CRB1: variants seen among roughly 807,000 people sequenced by gnomAD.
CRB1 encodes the protein crumbs cell polarity complex component 1.
A neutral mutation model predicts 120.0 loss-of-function variants in CRB1; 83 were observed. The ratio of observed to expected loss-of-function variants is 0.69; its 90% CI spans 0.58 to 0.83. The LOEUF (loss-of-function observed/expected upper bound fraction) is 0.83. CRB1 is among the 40% of genes least tolerant of loss of function. The pLI is 0.00. For missense variants in CRB1, 1,699 were observed against 1,687.6 expected, an observed-to-expected ratio of 1.01 and a Z score of -0.12; for synonymous variants, 625 against 612.5, an observed-to-expected ratio of 1.02 and a Z score of -0.30.
chr1:197,244,152 T>C, the CRB1 span, among the ~76,000 whole-genome samples: 1 of 152,188 alleles, frequency 6.6e-6, no homozygotes, highest in African/African-American at 2.4e-5. Context: ...TGTCTTTTAA[T>C]TGGGACATTT....
At chr1:197,405,985 C>T (rs1347590153) in intron 5 of CRB1, among the ~76,000 whole-genome samples, 2 of 151,424 alleles carry the variant, frequency 1.3e-5, no homozygotes, top group East Asian at 2.0e-4. Flanking sequence ...CCAGCCGCCC[C>T]GTCCGGGAGG....
intron 5 of CRB1, among the ~76,000 whole-genome samples, chr1:197,400,132 A>T (rs1318914774): frequency 6.6e-6 from 1 of 152,066 alleles, no homozygotes; most frequent in East Asian, 1.9e-4. Flanking sequence ...GATTCACTAG[A>T]TGCCTAATAT....
At chr1:197,322,077 A>G (rs1658229209) in intron 1 of CRB1, among the ~76,000 whole-genome samples, 1 of 152,228 alleles carries the variant, frequency 6.6e-6, no homozygotes, top group South Asian at 2.1e-4. Flanking sequence ...CATTAATCAC[A>G]TATGGCTTTT....
Position 197,421,702 on chromosome 1 carries a change from T to C in CRB1, c.1874T>C (p.Val625Ala). The stretch of plus-strand genomic sequence containing the variant: ...CCAGTGGGAATGACCAGCAATGGTG[T>C]TGCTCTGCTTAACTTCTATAATATG... ...GLPVGMTSNG[V>A]ALLNFYNMPS... The change falls in exon 6 of 12, where the codon GTT becomes GCT. Residue 625 changes from valine to alanine, a missense_variant. Val to Ala is a moderately conservative substitution (Grantham distance 64, BLOSUM62 0). Coordinates refer to ENST00000367400, the MANE Select transcript of CRB1 (RefSeq NM_201253.3). The C allele has an allele frequency of 6.2e-7, 1 of 1,614,222 alleles. No individual in the cohort carries two copies. The highest frequency in any genetic ancestry group is 8.5e-7 in the Non-Finnish European group (1 of 1,180,046).
At chr1:197,476,971 A>G (rs1667224205) in intron 11 of CRB1, among the ~76,000 whole-genome samples, 1 of 152,176 alleles carries the variant, frequency 6.6e-6, no homozygotes, top group Non-Finnish European at 1.5e-5. Context: ...CATTAATCAA[A>G]CCACTGTGTA....
intron 1 of CRB1, among the ~76,000 whole-genome samples, chr1:197,295,211 T>C (rs1387416894): frequency 6.6e-6 from 1 of 151,964 alleles, no homozygotes; most frequent in Non-Finnish European, 1.5e-5. Flanking sequence ...TTTTCAATGG[T>C]CTTTAAATGT....
rs1169050477 is a variant in CRB1 at position 197,344,326 on chromosome 1, G to A, written c.698G>A (p.Cys233Tyr). 1 of 1,614,188 alleles carries A rather than the reference G, an allele frequency of 6.2e-7. No homozygotes were observed. The highest frequency in any genetic ancestry group is 1.7e-5 in the Admixed American group (1 of 60,022). Residue 233 changes from cysteine (C) to tyrosine (Y), a missense_variant, in exon 3 of 12, where the codon TGT (cysteine) becomes TAT (tyrosine). Coordinates refer to ENST00000367400, the MANE Select transcript of CRB1 (RefSeq NM_201253.3). ...ATTGACGAATGTTGGTCCCAGCCTT[G>A]TTTAAATGGTGCAACTTGTCAGGAT... ...LEIDECWSQPCLNGATCQDAL... is the reference protein window; with the variant it reads ...LEIDECWSQPYLNGATCQDAL...
At chr1:197,438,502 G>C in intron 9 of CRB1, 45 bp from the exon 10 acceptor site, 1 of 1,608,018 alleles carries the variant, frequency 6.2e-7, no homozygotes, top group Admixed American at 1.7e-5. Flanking sequence ...TCTTGAATGA[G>C]ATGAACAAGA....
rs1667284566 is a variant in CRB1, at chr1:197,478,181, T to TTTC, written c.*303_*305dup. ...GCTTTAGTGGCTATCACTGAAACTC[T>TTTC]TTCCTCTTTTCAACCTGGGAACAAA... On this transcript the variant is annotated 3_prime_UTR_variant, in exon 12 of 12. Transcript: ENST00000367400. 1 of 378,070 alleles carries TTTC rather than the reference T, an allele frequency of 2.6e-6. No homozygotes were observed. Among genetic ancestry groups the TTTC allele is most frequent in the African/African-American group, 2.1e-5 (1 of 48,628 alleles). 23.4% of individuals were successfully genotyped at this position (378,070 alleles called of 1,614,324 possible). A position where few individuals can be genotyped will look rare whatever the true frequency, so the allele number is the denominator to read the frequency against.
chr1:197,367,994 C>T (rs778515777), intron 5 of CRB1, among the ~76,000 whole-genome samples: 8 of 152,150 alleles, frequency 5.3e-5, no homozygotes, highest in Admixed American at 6.5e-5. Flanking sequence ...AAAAATGAAG[C>T]GTTCACTTTT....
intron 1 of CRB1, 106 bp downstream of exon 1, chr1:197,268,588 A>C (rs1654732059): frequency 2.1e-6 from 2 of 944,308 alleles, no homozygotes; most frequent in African/African-American, 3.3e-5. Flanking sequence ...CAATGCTAAA[A>C]AAGGAAGTTT....
At chr1:197,342,380 G>A (rs1470461484) in intron 2 of CRB1, among the ~76,000 whole-genome samples, 1 of 152,122 alleles carries the variant, frequency 6.6e-6, no homozygotes, top group Admixed American at 6.5e-5. Flanking sequence ...TCTCAAGAAT[G>A]TGTCTGTCAT....
chr1:197,355,637 G>A (rs930855034), intron 4 of CRB1, among the ~76,000 whole-genome samples: 4 of 152,194 alleles, frequency 2.6e-5, no homozygotes, highest in South Asian at 2.1e-4. Flanking sequence ...CTGCTGGCCC[G>A]GGTGCTAAGC....
intron 11 of CRB1, among the ~76,000 whole-genome samples, chr1:197,467,270 A>G (rs1216796282): frequency 6.6e-6 from 1 of 152,152 alleles, no homozygotes; most frequent in Non-Finnish European, 1.5e-5. Context: ...TTTAACCCAG[A>G]TTACCAACTT....
At position 197,344,345 on chromosome 1, in the gene CRB1, T is replaced by TG; in HGVS notation, c.717_718insG (p.Gln240AlafsTer21). On this transcript the variant is annotated frameshift_variant, in exon 3 of 12. Transcript: ENST00000367400. LOFTEE classifies it high-confidence loss of function. ...AGCCTTGTTTAAATGGTGCAACTTG[T>TG]CAGGATGCTCTGGGGGCCTATTTCT... is the stretch of plus-strand genomic sequence containing the variant. 6.2e-7 allele frequency: 1 copy of TG among 1,614,186 alleles called. No homozygotes were observed. Among genetic ancestry groups the TG allele is most frequent in the Non-Finnish European group, 8.5e-7 (1 of 1,180,006 alleles).
intron 2 of CRB1, among the ~76,000 whole-genome samples, chr1:197,331,010 G>C (rs377464192): frequency 6.6e-6 from 1 of 151,936 alleles, no homozygotes; most frequent in Non-Finnish European, 1.5e-5. Flanking sequence ...GTGAAATCCC[G>C]TCTCTACTAA....
chr1:197,314,616 G>A (rs752866721), intron 1 of CRB1, among the ~76,000 whole-genome samples: 6 of 152,130 alleles, frequency 3.9e-5, no homozygotes, highest in Non-Finnish European at 8.8e-5. Context: ...TTGGAATTTT[G>A]TTCTGGCAGG....
intron 1 of CRB1, among the ~76,000 whole-genome samples, chr1:197,301,087 G>T (rs1355472874): frequency 1.3e-5 from 2 of 150,628 alleles, no homozygotes; most frequent in African/African-American, 4.9e-5. Context: ...AGTCACCCAA[G>T]ATCTCTGATG....
At chr1:197,217,915 G>T in the CRB1 span, among the ~76,000 whole-genome samples, 2 of 152,096 alleles carry the variant, frequency 1.3e-5, no homozygotes, top group Non-Finnish European at 2.9e-5. Context: ...TGCCCATAGG[G>T]CATGATCACA....
Sources: allele counts gnomAD v4.1 joint callset (sites outside exome capture counted in the v4.1 genomes callset), GRCh38; gene constraint gnomAD v4.1.1; transcripts MANE v1.5; gene names NCBI Gene and HGNC (gene_info 2026-07-23, HGNC 2026-07-21).